The following TRPM3 variants were observed in gnomAD, a reference collection of about 807,000 sequenced individuals.
The protein encoded by TRPM3 is transient receptor potential cation channel subfamily M member 3.
Under a neutral mutation model 181.2 loss-of-function variants are expected in TRPM3, and 77 were observed. The ratio of observed to expected loss-of-function variants is 0.42; its 90% CI spans 0.35 to 0.51. TRPM3 has a LOEUF of 0.51. Among genes scored for constraint, TRPM3 ranks in the 20% least tolerant of loss-of-function variants. The pLI is 0.01. For missense variants in TRPM3, 1,759 were observed against 2,196.7 expected, an observed-to-expected ratio of 0.80 and a Z score of 3.98; for synonymous variants, 745 against 796.4, an observed-to-expected ratio of 0.94 and a Z score of 1.09.
At chr9:71,014,044 G>A (rs1452579342) in intron 1 of TRPM3, among the ~76,000 whole-genome samples, 1 of 151,542 alleles carries the variant, frequency 6.6e-6, no homozygotes, top group Non-Finnish European at 1.5e-5. Flanking sequence ...TTTTTTTACT[G>A]GCATAAGTAT....
intron 1 of TRPM3, among the ~76,000 whole-genome samples, chr9:70,970,872 A>AT (rs1299475099): frequency 6.6e-6 from 1 of 152,042 alleles, no homozygotes; most frequent in East Asian, 1.9e-4. Flanking sequence ...TCACCTATAC[A>AT]TTTTTTCATT....
At chr9:70,656,468 A>G (rs1314643793) in intron 9 of TRPM3, among the ~76,000 whole-genome samples, 3 of 152,218 alleles carry the variant, frequency 2.0e-5, no homozygotes, top group Non-Finnish European at 4.4e-5. Context: ...ACTTCCTTCC[A>G]AAGTTGTTAA....
intron 1 of TRPM3, among the ~76,000 whole-genome samples, chr9:71,287,071 A>G (rs933942983): frequency 1.4e-5 from 2 of 142,370 alleles, no homozygotes; most frequent in African/African-American, 5.2e-5. Context: ...TAATTTATAT[A>G]TTATATATAA....
At chr9:71,346,200 G>T (rs2091281629) in intron 1 of TRPM3, among the ~76,000 whole-genome samples, 1 of 152,124 alleles carries the variant, frequency 6.6e-6, no homozygotes. Flanking sequence ...ACAATAAAAA[G>T]AAATGAATTA....
At chr9:70,779,042 A>G (rs934400286) in intron 7 of TRPM3, among the ~76,000 whole-genome samples, 3 of 152,106 alleles carry the variant, frequency 2.0e-5, no homozygotes, top group African/African-American at 7.2e-5. Context: ...ATCTGCAGTT[A>G]GCATTCATTT....
At chr9:70,772,662 G>A (rs756447009) in intron 7 of TRPM3, among the ~76,000 whole-genome samples, 1 of 152,214 alleles carries the variant, frequency 6.6e-6, no homozygotes, top group Non-Finnish European at 1.5e-5. Flanking sequence ...CTGCTCTGGA[G>A]ACAGGCAGGG....
chr9:70,649,036 A>G (rs1314995075), intron 9 of TRPM3, among the ~76,000 whole-genome samples: 1 of 152,172 alleles, frequency 6.6e-6, no homozygotes, highest in East Asian at 1.9e-4. Flanking sequence ...AAAATAAACT[A>G]TCAACAGAGT....
intron 8 of TRPM3, among the ~76,000 whole-genome samples, chr9:70,749,814 C>T (rs1448925073): frequency 6.6e-6 from 1 of 152,116 alleles, no homozygotes; most frequent in Admixed American, 6.6e-5. Flanking sequence ...TAACATTTCA[C>T]CTTTATGGAA....
intron 19 of TRPM3, among the ~76,000 whole-genome samples, chr9:70,608,351 A>G (rs916275697): frequency 1.3e-5 from 2 of 150,788 alleles, no homozygotes; most frequent in East Asian, 4.0e-4. Flanking sequence ...AAATTTGAAT[A>G]TGTGTTTCAA....
chr9:70,847,953 G>A (rs1031586123), intron 3 of TRPM3, among the ~76,000 whole-genome samples: 1 of 152,082 alleles, frequency 6.6e-6, no homozygotes, highest in African/African-American at 2.4e-5. Flanking sequence ...AATTCTCACG[G>A]GGAAATAAGT....
intron 1 of TRPM3, among the ~76,000 whole-genome samples, chr9:71,316,128 AGTT>A (rs2088563682): frequency 6.6e-6 from 1 of 152,208 alleles, no homozygotes; most frequent in African/African-American, 2.4e-5. Flanking sequence ...TAGTGTCATT[AGTT>A]TATTTAAATA....
intron 1 of TRPM3, among the ~76,000 whole-genome samples, chr9:70,990,232 C>T (rs2097464600): frequency 6.6e-6 from 1 of 152,116 alleles, no homozygotes; most frequent in Admixed American, 6.6e-5. Flanking sequence ...ATGCAGGGCC[C>T]TCGTGTCAAA....
chr9:71,401,916 A>G (rs1275959504), intron 1 of TRPM3, among the ~76,000 whole-genome samples: 2 of 152,228 alleles, frequency 1.3e-5, no homozygotes, highest in East Asian at 1.9e-4. Flanking sequence ...CTAAAAGTTC[A>G]TATTATCCCC....
At chr9:71,235,044 T>G (rs2081281268) in intron 1 of TRPM3, among the ~76,000 whole-genome samples, 1 of 152,262 alleles carries the variant, frequency 6.6e-6, no homozygotes, top group South Asian at 2.1e-4. Flanking sequence ...TGGGTCCTGA[T>G]GACAGCGCCA....
intron 1 of TRPM3, among the ~76,000 whole-genome samples, chr9:71,165,096 T>C (rs571507283): frequency 6.6e-6 from 1 of 152,196 alleles, no homozygotes; most frequent in Non-Finnish European, 1.5e-5. Flanking sequence ...GGACAATCAG[T>C]ATAGACCAGC....
chr9:70,560,739 A>G (rs919603334), intron 22 of TRPM3, among the ~76,000 whole-genome samples: 3 of 152,236 alleles, frequency 2.0e-5, no homozygotes, highest in Admixed American at 6.5e-5. Context: ...TCTTGTCCCT[A>G]TCAACATGAA....
chr9:70,625,586 T>C lies in TRPM3; in HGVS notation c.1633-69A>G. On this transcript the variant is annotated intron_variant, in intron 12 of 25. Coordinates refer to ENST00000677713, the MANE Select transcript of TRPM3 (RefSeq NM_001366145.2). This position sits in a 1 kb window ranked among gnomAD's most constrained non-coding sequence, Gnocchi z 4.8. ...TCGGCAATAATAGAAAATCAAAATA[T>C]TTATTCAAGTCTTCAGCTGGGGAGA... 3 of 1,505,268 alleles carry C rather than the reference T, an allele frequency of 2.0e-6. No homozygotes were observed. The highest frequency in any genetic ancestry group is 2.7e-6 in the Non-Finnish European group (3 of 1,094,262). The allele number at this position is 1,505,268 out of a possible 1,614,324, so 93.2% of individuals were successfully genotyped here.
At chr9:71,085,488 C>A (rs998335480) in intron 1 of TRPM3, among the ~76,000 whole-genome samples, 2 of 151,946 alleles carry the variant, frequency 1.3e-5, no homozygotes, top group African/African-American at 4.8e-5. Flanking sequence ...ACAGGTACTT[C>A]TCAAAAGAAG....
chr9:70,605,659 T>TGTGA (rs1328664723), intron 19 of TRPM3, among the ~76,000 whole-genome samples: 1 of 152,218 alleles, frequency 6.6e-6, no homozygotes, highest in East Asian at 1.9e-4. Context: ...TCTGTAGTCC[T>TGTGA]GTGAGTACAG....
Sources: gnomAD v4.1 joint callset for allele counts (sites outside exome capture counted in the v4.1 genomes callset) on GRCh38, gnomAD v4.1.1 for gene constraint, Gnocchi (gnomAD v3.1) non-coding constraint, MANE v1.5 for transcripts, NCBI Gene and HGNC (gene_info 2026-07-23, HGNC 2026-07-21) for gene names.